GPC5: variants seen among roughly 807,000 people sequenced by gnomAD.
The protein encoded by GPC5 is glypican-5.
Under a neutral mutation model 53.9 loss-of-function variants are expected in GPC5, and 47 were observed. The observed-to-expected ratio is 0.87, with a 90% CI of 0.69 to 1.11. GPC5 has a LOEUF of 1.11. GPC5 is among the 50% of genes most tolerant of loss of function. The probability of loss-of-function intolerance (pLI) is 0.00; values close to 1 mark genes in which losing one functional copy is unlikely to be tolerated. For synonymous variants in GPC5, 286 were observed against 263.3 expected (o/e 1.09, Z -0.84); for missense variants, 748 against 713.1 (o/e 1.05, Z -0.56).
intron 7 of GPC5, among the ~76,000 whole-genome samples, chr13:92,342,886 T>C (rs549234797): frequency 6.6e-6 from 1 of 152,282 alleles, no homozygotes; most frequent in East Asian, 1.9e-4. Context: ...TTTATTTAGA[T>C]CTATAAATAT....
At chr13:92,735,870 A>C (rs1212190238) in intron 7 of GPC5, among the ~76,000 whole-genome samples, 1 of 152,006 alleles carries the variant, frequency 6.6e-6, no homozygotes, top group Non-Finnish European at 1.5e-5. Context: ...TATCAGCCTC[A>C]TTAACTAGGA....
chr13:91,473,470 C>G (rs1594134410), intron 2 of GPC5, among the ~76,000 whole-genome samples: 1 of 152,220 alleles, frequency 6.6e-6, no homozygotes, highest in East Asian at 1.9e-4. Context: ...GGGTACAGTA[C>G]AGGGTTCCCT....
At chr13:91,801,123 T>C (rs1267533550) in intron 5 of GPC5, among the ~76,000 whole-genome samples, 1 of 152,172 alleles carries the variant, frequency 6.6e-6, no homozygotes, top group Non-Finnish European at 1.5e-5. Flanking sequence ...AGCCTAGTCA[T>C]TACATAACAA....
At chr13:92,583,062 G>A (rs1157152990) in intron 7 of GPC5, among the ~76,000 whole-genome samples, 1 of 146,724 alleles carries the variant, frequency 6.8e-6, no homozygotes, top group East Asian at 1.9e-4. Flanking sequence ...TCCTTGTCTT[G>A]TTCCTGATCA....
intron 7 of GPC5, among the ~76,000 whole-genome samples, chr13:92,214,882 G>A (rs1355746821): frequency 6.6e-6 from 1 of 152,200 alleles, no homozygotes; most frequent in African/African-American, 2.4e-5. Context: ...TGAATTGGCT[G>A]TTGCTGGTTT....
At position 91,569,392 on chromosome 13, in the gene GPC5, C is replaced by A. The variant is rs553098078; in HGVS notation, c.325+120470C>A. ...AGTCATATAAAATATATATGTTTCTCCTAATTCATCCTCTCTCTCTGTAAT... is the reference window on the plus strand; with the variant it reads ...AGTCATATAAAATATATATGTTTCTACTAATTCATCCTCTCTCTCTGTAAT... On this transcript the variant is annotated intron_variant, in intron 2 of 7. Coordinates refer to ENST00000377067, the MANE Select transcript of GPC5 (RefSeq NM_004466.6). 9.9e-5 allele frequency among the ~76,000 whole-genome samples: 15 copies of A among 152,146 alleles called. 1 individual carries two copies. In the South Asian group the frequency reaches 2.9e-3, roughly 29 times the overall value.
At chr13:92,641,618 C>T (rs1300131225) in intron 7 of GPC5, among the ~76,000 whole-genome samples, 1 of 152,150 alleles carries the variant, frequency 6.6e-6, no homozygotes, top group African/African-American at 2.4e-5. Flanking sequence ...GTTTATTTTA[C>T]TTCCCAATTG....
chr13:92,683,669 C>T (rs570120307), intron 7 of GPC5, among the ~76,000 whole-genome samples: 1 of 152,128 alleles, frequency 6.6e-6, no homozygotes, highest in East Asian at 1.9e-4. Flanking sequence ...AACTAAAGAC[C>T]ATGTCAGTTC....
In GPC5 at chr13:91,920,738, CAGG is replaced by C. The variant is rs533094169; in HGVS notation, c.1401+12683_1401+12685del. On this transcript the variant is annotated intron_variant, in intron 6 of 7. Coordinates refer to ENST00000377067, the MANE Select transcript of GPC5 (RefSeq NM_004466.6). Reference sequence around the variant, plus strand: ...CATCAGATTTGTAGCTGTATCTCAGCAGGAATACTAGAAGACAATGCATAAAAA... The same window carrying C: ...CATCAGATTTGTAGCTGTATCTCAGCAATACTAGAAGACAATGCATAAAAA... Among the ~76,000 whole-genome samples, 117 of 152,118 alleles carry C rather than the reference CAGG, an allele frequency of 7.7e-4. 1 individual carries two copies. Among genetic ancestry groups the C allele is most frequent in the African/African-American group, 2.7e-3 (114 of 41,496 alleles).
chr13:92,486,852 G>A (rs1427662450), intron 7 of GPC5, among the ~76,000 whole-genome samples: 1 of 123,804 alleles, frequency 8.1e-6, no homozygotes, highest in East Asian at 2.6e-4. Context: ...GATAACACAG[G>A]GGACAGGGAT....
At chr13:91,618,586 T>G (rs750193612) in intron 2 of GPC5, among the ~76,000 whole-genome samples, 8 of 152,072 alleles carry the variant, frequency 5.3e-5, no homozygotes, top group Non-Finnish European at 1.5e-5. Flanking sequence ...ACCCAGAGGT[T>G]TTTGAGAGTA....
intron 5 of GPC5, among the ~76,000 whole-genome samples, chr13:91,860,451 A>ATACT (rs1257882937): frequency 6.9e-6 from 1 of 144,528 alleles, no homozygotes; most frequent in Admixed American, 6.9e-5. Flanking sequence ...ATATATATCT[A>ATACT]TCCTTCCTTC....
At chr13:91,934,911 A>G (rs1188670020) in intron 6 of GPC5, among the ~76,000 whole-genome samples, 1 of 152,006 alleles carries the variant, frequency 6.6e-6, no homozygotes, top group Non-Finnish European at 1.5e-5. Context: ...CAGATCTACT[A>G]TGGAAAATAA....
intron 7 of GPC5, among the ~76,000 whole-genome samples, chr13:92,665,241 G>A (rs9589616): frequency 0.019 from 2,816 of 152,212 alleles, 100 homozygotes; most frequent in African/African-American, 0.064. Context: ...AGATAATGGA[G>A]GGACAGTGTT....
intron 7 of GPC5, among the ~76,000 whole-genome samples, chr13:92,325,363 AC>A (rs1302308212): frequency 6.6e-6 from 1 of 152,192 alleles, no homozygotes; most frequent in East Asian, 1.9e-4. Context: ...AATATCATTG[AC>A]ACCAGTCAAA....
chr13:91,822,379 A>G (rs892738917), intron 5 of GPC5, among the ~76,000 whole-genome samples: 5 of 152,238 alleles, frequency 3.3e-5, no homozygotes, highest in Non-Finnish European at 5.9e-5. Context: ...CTGAAGCTAT[A>G]CATATAGAAA....
intron 2 of GPC5, among the ~76,000 whole-genome samples, chr13:91,571,784 T>C (rs374819234): frequency 0.03 from 3,794 of 124,770 alleles, 150 homozygotes; most frequent in South Asian, 0.16. Flanking sequence ...TACACACACA[T>C]ATACGTGTGT....
At chr13:92,128,003 T>C (rs981607718) in intron 6 of GPC5, among the ~76,000 whole-genome samples, 12 of 152,308 alleles carry the variant, frequency 7.9e-5, no homozygotes, top group Admixed American at 7.8e-4. Context: ...TTGCCTGGGC[T>C]CCTTCTGATG....
At chr13:92,428,917 G>A (rs746496536) in intron 7 of GPC5, among the ~76,000 whole-genome samples, 20 of 152,038 alleles carry the variant, frequency 1.3e-4, no homozygotes, top group Non-Finnish European at 2.8e-4. Context: ...CCCTCCACAT[G>A]TAAAAGCTTA....
Sources: gnomAD v4.1 joint callset for allele counts (sites outside exome capture counted in the v4.1 genomes callset) on GRCh38, gnomAD v4.1.1 for gene constraint, MANE v1.5 for transcripts, NCBI Gene and HGNC (gene_info 2026-07-23, HGNC 2026-07-21) for gene names.